SORCS1: variants seen among roughly 807,000 people sequenced by gnomAD.
SORCS1 encodes VPS10 domain-containing receptor SorCS1.
In SORCS1, 60 loss-of-function variants were observed where a neutral mutation model predicts 146.1. That is an observed-to-expected ratio of 0.41 (90% CI 0.33 to 0.51). The LOEUF is 0.51. Ranked by LOEUF, SORCS1 falls within the 20% of genes least tolerant of loss-of-function variation. The pLI is 0.21. For missense variants in SORCS1, 1,352 were observed against 1,487.6 expected (o/e 0.91, Z 1.50); for synonymous variants, 637 against 584.0 (o/e 1.09, Z -1.31).
chr10:106,608,294 T>C (rs1846744799), intron 22 of SORCS1, among the ~76,000 whole-genome samples: 1 of 152,238 alleles, frequency 6.6e-6, no homozygotes, highest in African/African-American at 2.4e-5. Context: ...TCTCAATATT[T>C]CAGCTTTTTC....
At chr10:107,126,599 C>T (rs988548341) in intron 1 of SORCS1, among the ~76,000 whole-genome samples, 3 of 152,184 alleles carry the variant, frequency 2.0e-5, no homozygotes, top group Middle Eastern at 3.4e-3. Flanking sequence ...CAGAAATCCT[C>T]GTTAGGAACC....
intron 24 of SORCS1, among the ~76,000 whole-genome samples, chr10:106,580,366 A>C (rs1844831461): frequency 6.6e-6 from 1 of 152,148 alleles, no homozygotes; most frequent in Admixed American, 6.5e-5. Context: ...TCCCTCCCTG[A>C]GTTTCCCCTT....
chr10:106,929,682 C>A (rs1953287299), intron 2 of SORCS1, among the ~76,000 whole-genome samples: 1 of 152,244 alleles, frequency 6.6e-6, no homozygotes, highest in South Asian at 2.1e-4. Context: ...ACTTAAGCTG[C>A]TGTTCCTGGC....
intron 1 of SORCS1, among the ~76,000 whole-genome samples, chr10:107,041,624 T>C (rs1300968926): frequency 6.6e-6 from 1 of 152,088 alleles, no homozygotes; most frequent in East Asian, 1.9e-4. Context: ...CCTACACCCA[T>C]GGTTTTTAAA....
intron 3 of SORCS1, among the ~76,000 whole-genome samples, chr10:106,781,802 G>GGAC (rs1860916633): frequency 6.6e-6 from 1 of 152,084 alleles, no homozygotes; most frequent in Admixed American, 6.6e-5. Context: ...ACTATTTGGA[G>GGAC]GACAGTGTTA....
At chr10:106,823,062 T>G (rs1948132404) in intron 3 of SORCS1, among the ~76,000 whole-genome samples, 1 of 151,922 alleles carries the variant, frequency 6.6e-6, no homozygotes, top group South Asian at 2.1e-4. Context: ...GGATTACAGG[T>G]GTAAGCCACC....
chr10:107,029,378 T>C (rs936997159), intron 1 of SORCS1, among the ~76,000 whole-genome samples: 1 of 152,182 alleles, frequency 6.6e-6, no homozygotes, highest in African/African-American at 2.4e-5. Flanking sequence ...TCCCACTAAA[T>C]CTACTTATGT....
chr10:107,077,813 G>C (rs1963012396), intron 1 of SORCS1, among the ~76,000 whole-genome samples: 1 of 151,918 alleles, frequency 6.6e-6, no homozygotes, highest in African/African-American at 2.4e-5. Flanking sequence ...ACTACATATG[G>C]CAATGGAAAA....
chr10:106,578,735 T>A, intron 25 of SORCS1: 1 of 1,105,556 alleles, frequency 9.0e-7, no homozygotes, highest in Non-Finnish European at 1.1e-6. Flanking sequence ...TGCCCAGCCC[T>A]CTGGTCCACC....
intron 1 of SORCS1, among the ~76,000 whole-genome samples, chr10:107,001,550 G>T (rs1025104877): frequency 2.0e-5 from 3 of 152,112 alleles, no homozygotes; most frequent in African/African-American, 4.8e-5. Context: ...AGCAACCTCC[G>T]TCTCCCGGGT....
At chr10:106,737,301 C>G (rs1857023427) in intron 5 of SORCS1, among the ~76,000 whole-genome samples, 1 of 152,116 alleles carries the variant, frequency 6.6e-6, no homozygotes, top group African/African-American at 2.4e-5. Flanking sequence ...AGCAGCTCTC[C>G]CCTTCCTTTC....
At chr10:106,681,880 C>A (rs1456536251) in intron 10 of SORCS1, among the ~76,000 whole-genome samples, 2 of 152,172 alleles carry the variant, frequency 1.3e-5, no homozygotes, top group Admixed American at 1.3e-4. Context: ...GTAATCCCAG[C>A]ACTTCGGGAG....
intron 2 of SORCS1, among the ~76,000 whole-genome samples, chr10:106,852,646 A>AC (rs1949636667): frequency 6.7e-6 from 1 of 150,000 alleles, no homozygotes; most frequent in Non-Finnish European, 1.5e-5. Flanking sequence ...AAAAAAAAAA[A>AC]AGAAAGAAAA....
chr10:107,030,836 TAAGA>T (rs1958618450), intron 1 of SORCS1, among the ~76,000 whole-genome samples: 1 of 152,004 alleles, frequency 6.6e-6, no homozygotes, highest in Non-Finnish European at 1.5e-5. Flanking sequence ...GGATGACAAC[TAAGA>T]AAATGACAAA....
intron 1 of SORCS1, among the ~76,000 whole-genome samples, chr10:107,104,015 T>C (rs1965130671): frequency 6.6e-6 from 1 of 152,202 alleles, no homozygotes; most frequent in African/African-American, 2.4e-5. Context: ...CGTCAGAACC[T>C]TTTTGGACAC....
At chr10:106,957,918 A>G (rs1258173665) in intron 1 of SORCS1, among the ~76,000 whole-genome samples, 1 of 152,222 alleles carries the variant, frequency 6.6e-6, no homozygotes, top group Non-Finnish European at 1.5e-5. Context: ...ACACAAAGAA[A>G]AACAGATTCC....
At chr10:106,605,321 C>T (rs1408241496) in intron 23 of SORCS1, among the ~76,000 whole-genome samples, 8 of 152,176 alleles carry the variant, frequency 5.3e-5, no homozygotes, top group Admixed American at 5.2e-4. Context: ...ATGGACCCCT[C>T]TTCTTTCCAA....
intron 4 of SORCS1, among the ~76,000 whole-genome samples, chr10:106,765,505 G>A (rs1859500158): frequency 1.3e-5 from 2 of 152,120 alleles, no homozygotes; most frequent in South Asian, 4.1e-4. Context: ...TTCATTGAGA[G>A]CTTTGAGCCA....
chr10:106,671,184 C>A (rs1310987347), intron 16 of SORCS1, 53 bp downstream of exon 16: 8 of 1,609,372 alleles, frequency 5.0e-6, no homozygotes. Context: ...TCATTCAGGC[C>A]CATGTGGATT....
Sources: gnomAD v4.1 joint callset for allele counts (sites outside exome capture counted in the v4.1 genomes callset) on GRCh38, gnomAD v4.1.1 for gene constraint, MANE v1.5 for transcripts, NCBI Gene and HGNC (gene_info 2026-07-23, HGNC 2026-07-21) for gene names.